MAP4: variants seen among roughly 807,000 people sequenced by gnomAD.
The protein encoded by MAP4 is microtubule associated protein 4, also known as microtubule-associated protein 4.
MAP4 carries 76 observed loss-of-function variants against 170.2 expected under a neutral mutation model. The ratio of observed to expected loss-of-function variants is 0.45; its 90% CI spans 0.37 to 0.54. The LOEUF is 0.54. MAP4 is among the 20% of genes least tolerant of loss of function. The probability of loss-of-function intolerance (pLI) is 0.00; values close to 1 mark genes in which losing one functional copy is unlikely to be tolerated. For synonymous variants in MAP4, 909 were observed against 994.5 expected, an observed-to-expected ratio of 0.91 and a Z score of 1.62; for missense variants, 2,506 against 2,748.0, an observed-to-expected ratio of 0.91 and a Z score of 1.97.
chr3:48,057,940 C>A (rs1032233161), intron 1 of MAP4, among the ~76,000 whole-genome samples: 2 of 152,120 alleles, frequency 1.3e-5, no homozygotes, highest in African/African-American at 2.4e-5. Flanking sequence ...TTAAAAAACA[C>A]AAATATACTA....
intron 3 of MAP4, among the ~76,000 whole-genome samples, chr3:47,957,391 G>C (rs1404114680): frequency 6.6e-6 from 1 of 151,786 alleles, no homozygotes; most frequent in African/African-American, 2.4e-5. Context: ...GGCTGGTCTC[G>C]AACTCCTAAC....
At chr3:47,951,801 C>G (rs974426557) in intron 3 of MAP4, among the ~76,000 whole-genome samples, 21 of 152,090 alleles carry the variant, frequency 1.4e-4, no homozygotes, top group Admixed American at 3.9e-4. Context: ...GCGTCTCTGC[C>G]TGGCCGCCCA....
At chr3:47,877,306 C>T in intron 11 of MAP4, 111 bp downstream of exon 11, 1 of 791,298 alleles carries the variant, frequency 1.3e-6, no homozygotes, top group Admixed American at 2.2e-5. Context: ...TGAGGAAGGA[C>T]AATAACAGCT....
At chr3:47,925,257 C>T (rs756449296) in intron 4 of MAP4, among the ~76,000 whole-genome samples, 9 of 152,276 alleles carry the variant, frequency 5.9e-5, no homozygotes, top group Non-Finnish European at 8.8e-5. Context: ...GATCATTGGA[C>T]GCCATCTTGG....
chr3:48,027,112 C>T (rs1487465391), intron 1 of MAP4, among the ~76,000 whole-genome samples: 1 of 152,188 alleles, frequency 6.6e-6, no homozygotes, highest in African/African-American at 2.4e-5. Context: ...TAATAGTCTC[C>T]TCTATTCCCA....
At chr3:47,870,705 C>T (rs2090119960) in intron 15 of MAP4, 108 bp downstream of exon 15, 2 of 1,176,948 alleles carry the variant, frequency 1.7e-6, no homozygotes, top group Non-Finnish European at 1.2e-6. Flanking sequence ...GATGCTGAGT[C>T]CAGTGTCCTG....
intron 8 of MAP4, 83 bp from the exon 9 acceptor site, chr3:47,912,504 T>C: frequency 8.1e-7 from 1 of 1,230,050 alleles, no homozygotes; most frequent in Non-Finnish European, 1.1e-6. Context: ...AACCAGACCA[T>C]ATAAATGACT....
intron 10 of MAP4, chr3:47,891,504 A>C (rs545625094): frequency 4.0e-6 from 6 of 1,515,754 alleles, no homozygotes; most frequent in African/African-American, 2.8e-5. Flanking sequence ...AGCAGGCCAG[A>C]AGAAGGCTCT....
intron 17 of MAP4, among the ~76,000 whole-genome samples, chr3:47,858,403 T>G (rs1296189415): frequency 6.6e-6 from 1 of 152,150 alleles, no homozygotes; most frequent in Non-Finnish European, 1.5e-5. Context: ...TGTCCATGCA[T>G]GCTCCAGACA....
intron 1 of MAP4, among the ~76,000 whole-genome samples, chr3:48,083,749 G>GC (rs980623921): frequency 2.0e-5 from 3 of 148,866 alleles, no homozygotes; most frequent in African/African-American, 7.4e-5. Context: ...TTTTTGAGAT[G>GC]GAGTTCCACT....
chr3:48,066,822 C>CTTTTTTTTTT (rs55939839), intron 1 of MAP4, among the ~76,000 whole-genome samples: 1 of 65,770 alleles, frequency 1.5e-5, no homozygotes, highest in Non-Finnish European at 2.6e-5. Context: ...TCTCTAATTC[C>CTTTTTTTTTT]TTTTTTTTTT....
At chr3:47,862,002 A>T (rs529205196) in intron 17 of MAP4, among the ~76,000 whole-genome samples, 1 of 151,884 alleles carries the variant, frequency 6.6e-6, no homozygotes, top group Admixed American at 6.6e-5. Flanking sequence ...TCTGCTAAAA[A>T]TACAAAAAAT....
chr3:48,088,346 C>T (rs2100150470), intron 1 of MAP4, among the ~76,000 whole-genome samples: 1 of 152,162 alleles, frequency 6.6e-6, no homozygotes, highest in Non-Finnish European at 1.5e-5. Context: ...AGGCTCACCT[C>T]AGCCTCACAT....
chr3:47,965,730 C>A (rs1161208109), intron 3 of MAP4, among the ~76,000 whole-genome samples: 1 of 151,984 alleles, frequency 6.6e-6, no homozygotes, highest in East Asian at 1.9e-4. Flanking sequence ...AAGTCCTTTG[C>A]CCATATTTTT....
At chr3:48,058,178 T>C (rs531704470) in intron 1 of MAP4, among the ~76,000 whole-genome samples, 1 of 152,142 alleles carries the variant, frequency 6.6e-6, no homozygotes, top group Admixed American at 6.5e-5. Flanking sequence ...TTCAAGAAAA[T>C]ATAAAGTATT....
rs146750665 is a variant in MAP4 at position 47,987,565 on chromosome 3, T to C, written c.224-9632A>G. Reference sequence around the variant, plus strand: ...ATCAACCTCCAGCCCAGAACCGTCCTCCAAACTCCGGACTCCTTATCTGTG... The same window carrying C: ...ATCAACCTCCAGCCCAGAACCGTCCCCCAAACTCCGGACTCCTTATCTGTG... On this transcript the variant is annotated intron_variant, in intron 2 of 20. Coordinates refer to ENST00000683076, the MANE Select transcript of MAP4 (RefSeq NM_001385682.1). The C allele has an allele frequency of 2.4e-3, 1,257 of 528,422 alleles. 5 individuals carry two copies. The highest frequency in any genetic ancestry group is 3.7e-3 in the Non-Finnish European group (1,124 of 305,320). The allele number at this position is 528,422 out of a possible 1,614,324, so 32.7% of individuals were successfully genotyped here.
chr3:47,878,164 A>G (rs372660389), intron 10 of MAP4, among the ~76,000 whole-genome samples: 2 of 152,232 alleles, frequency 1.3e-5, no homozygotes, highest in Non-Finnish European at 2.9e-5. Context: ...GAGCATTAAA[A>G]TACTGTGAAA....
intron 12 of MAP4, among the ~76,000 whole-genome samples, chr3:47,874,333 G>A (rs1055732441): frequency 1.3e-5 from 2 of 152,128 alleles, no homozygotes; most frequent in Non-Finnish European, 2.9e-5. Flanking sequence ...GCCAGGCGTG[G>A]TGGCGGGTGC....
chr3:48,046,763 G>C (rs116522168), intron 1 of MAP4, among the ~76,000 whole-genome samples: 333 of 152,254 alleles, frequency 2.2e-3, no homozygotes, highest in African/African-American at 7.8e-3. Flanking sequence ...ATTTGGGCAA[G>C]GTATGTAATC....
Sources: allele counts gnomAD v4.1 joint callset (sites outside exome capture counted in the v4.1 genomes callset), GRCh38; gene constraint gnomAD v4.1.1; transcripts MANE v1.5; gene names NCBI Gene and HGNC (gene_info 2026-07-23, HGNC 2026-07-21).